PAK1: variants seen among roughly 807,000 people sequenced by gnomAD.
PAK1 encodes the protein p21 (RAC1) activated kinase 1, also known as serine/threonine-protein kinase PAK 1.
Under a neutral mutation model 67.4 loss-of-function variants are expected in PAK1, and 29 were observed. The ratio of observed to expected loss-of-function variants is 0.43; its 90% confidence interval spans 0.32 to 0.59. The LOEUF is 0.59. Ranked by LOEUF, PAK1 falls within the 20% of genes least tolerant of loss-of-function variation. The pLI is 0.07. For missense variants in PAK1, 337 were observed against 670.7 expected (o/e 0.50, Z 5.50); for synonymous variants, 223 against 237.4 (o/e 0.94, Z 0.56).
chr11:77,384,800 T>C (rs949422689), intron 2 of PAK1, among the ~76,000 whole-genome samples: 4 of 152,110 alleles, frequency 2.6e-5, no homozygotes, highest in African/African-American at 9.7e-5. Context: ...GTGATGAAAA[T>C]GTATTGGAAT....
chr11:77,374,266 A>G (rs1948810746), intron 5 of PAK1, 62 bp downstream of exon 5: 1 of 1,116,202 alleles, frequency 9.0e-7, no homozygotes, highest in Non-Finnish European at 1.4e-6. Context: ...TGCCTCTACC[A>G]CACTGTCTTG....
chr11:77,460,517 G>A (rs1957296440), intron 1 of PAK1, among the ~76,000 whole-genome samples: 1 of 151,444 alleles, frequency 6.6e-6, no homozygotes, highest in Admixed American at 6.6e-5. Flanking sequence ...CAGAGATAGG[G>A]TTTATCTAGA....
rs954322941 is a variant in PAK1 at position 77,380,073 on chromosome 11, T to C, written c.191-79A>G. The C allele has an allele frequency of 9.6e-6, 10 of 1,044,248 alleles. No individual in the cohort carries two copies. In the African/African-American group the frequency reaches 1.1e-4, roughly 12 times the overall value. The allele number at this position is 1,044,248 out of a possible 1,614,324, so 64.7% of individuals were successfully genotyped here. ...GGCTTATTTTAGCTCTTTATTGAGC[T>C]GTAGTCTCCTTGAGAGGGCAAAGTC... On this transcript the variant is annotated intron_variant, in intron 2 of 14. Transcript: ENST00000356341.
chr11:77,504,698 G>T, the PAK1 span, among the ~76,000 whole-genome samples: 1 of 152,166 alleles, frequency 6.6e-6, no homozygotes, highest in African/African-American at 2.4e-5. Context: ...AGGTTTTGGG[G>T]ATCTCTTGTG....
chr11:77,459,400 A>C (rs1169612478), intron 1 of PAK1, among the ~76,000 whole-genome samples: 1 of 152,194 alleles, frequency 6.6e-6, no homozygotes, highest in Non-Finnish European at 1.5e-5. Context: ...AAATAAAAAT[A>C]AACTGGTAAA....
intron 2 of PAK1, among the ~76,000 whole-genome samples, chr11:77,380,280 G>C (rs1949646228): frequency 6.6e-6 from 1 of 152,172 alleles, no homozygotes; most frequent in East Asian, 1.9e-4. Context: ...GATTGCTTGA[G>C]TCCAGGAGTT....
intron 3 of PAK1, 147 bp from the exon 4 acceptor site, chr11:77,379,535 G>C: frequency 3.0e-6 from 2 of 677,734 alleles, no homozygotes; most frequent in South Asian, 4.1e-5. Context: ...GTTTACACAA[G>C]CCTCTTTTAT....
intron 12 of PAK1, 81 bp from the exon 13 acceptor site, chr11:77,336,363 T>C (rs1024774107): frequency 1.7e-5 from 18 of 1,073,708 alleles, no homozygotes; most frequent in Non-Finnish European, 2.4e-5. Flanking sequence ...TACCTACACA[T>C]AGGTGACAAG....
At chr11:77,433,964 A>G (rs188912476) in intron 1 of PAK1, among the ~76,000 whole-genome samples, 32 of 152,276 alleles carry the variant, frequency 2.1e-4, no homozygotes, top group Non-Finnish European at 3.5e-4. Context: ...ACCCACTAAG[A>G]TGCCTAAAAT....
intron 1 of PAK1, among the ~76,000 whole-genome samples, chr11:77,408,916 A>G (rs1020776932): frequency 6.6e-6 from 1 of 152,144 alleles, no homozygotes; most frequent in Non-Finnish European, 1.5e-5. Flanking sequence ...GAGAAATACA[A>G]ATCAAAACCA....
At chr11:77,376,544 C>A (rs920811842) in intron 4 of PAK1, among the ~76,000 whole-genome samples, 2 of 152,042 alleles carry the variant, frequency 1.3e-5, no homozygotes, top group African/African-American at 4.8e-5. Context: ...CAAGACCAGC[C>A]TGGCCAATAT....
chr11:77,376,605 C>T (rs1408639094), intron 4 of PAK1, among the ~76,000 whole-genome samples: 1 of 151,774 alleles, frequency 6.6e-6, no homozygotes, highest in Non-Finnish European at 1.5e-5. Flanking sequence ...GGCATAGTGG[C>T]ATGCACCTGT....
intron 1 of PAK1, among the ~76,000 whole-genome samples, chr11:77,468,092 T>C (rs1957681597): frequency 6.6e-6 from 1 of 152,226 alleles, no homozygotes; most frequent in Admixed American, 6.5e-5. Flanking sequence ...GAAAATGCTC[T>C]TGCCAGCCTC....
At chr11:77,376,078 A>G (rs1298088343) in intron 4 of PAK1, among the ~76,000 whole-genome samples, 2 of 152,222 alleles carry the variant, frequency 1.3e-5, no homozygotes, top group Non-Finnish European at 2.9e-5. Flanking sequence ...AAGACTATAG[A>G]CTATCAACTT....
At chr11:77,428,965 T>C (rs1450300156) in intron 1 of PAK1, among the ~76,000 whole-genome samples, 2 of 149,820 alleles carry the variant, frequency 1.3e-5, no homozygotes, top group South Asian at 2.1e-4. Flanking sequence ...TTCCTCATTA[T>C]GTCTATGAGA....
At chr11:77,325,380 T>C (rs1939547881) in intron 14 of PAK1, 1 of 1,613,088 alleles carries the variant, frequency 6.2e-7, no homozygotes, top group African/African-American at 1.3e-5. Flanking sequence ...TTCTCACCTG[T>C]AAAAATGAGA....
At chr11:77,336,978 A>T (rs1211902808) in intron 12 of PAK1, among the ~76,000 whole-genome samples, 2 of 151,804 alleles carry the variant, frequency 1.3e-5, no homozygotes, top group African/African-American at 2.4e-5. Flanking sequence ...GAATAACTGA[A>T]TGAAAGAAAT....
At chr11:77,477,171 G>T (rs890918525), upstream of PAK1, 4 of 152,140 alleles carry the variant, frequency 2.6e-5, no homozygotes, top group African/African-American at 7.2e-5. Flanking sequence ...TCAGAGATGG[G>T]CTAGAAGTGG....
chr11:77,393,729 G>A (rs376813846), intron 1 of PAK1, among the ~76,000 whole-genome samples: 4 of 152,168 alleles, frequency 2.6e-5, no homozygotes, highest in South Asian at 2.1e-4. Context: ...TAGGACAAGC[G>A]CGGTGGCTCA....
Sources: allele counts gnomAD v4.1 joint callset (sites outside exome capture counted in the v4.1 genomes callset), GRCh38; gene constraint gnomAD v4.1.1; transcripts MANE v1.5; gene names NCBI Gene and HGNC (gene_info 2026-07-23, HGNC 2026-07-21).